Variants in PRKAR1B observed in about 807,000 individuals in gnomAD.
PRKAR1B encodes protein kinase cAMP-dependent type I regulatory subunit beta.
In PRKAR1B, 22 loss-of-function variants were observed where a neutral mutation model predicts 46.5. The observed-to-expected ratio is 0.47, with a 90% confidence interval of 0.34 to 0.68. PRKAR1B has a LOEUF of 0.68. Among genes scored for constraint, PRKAR1B ranks in the 30% least tolerant of loss-of-function variants. PRKAR1B has a pLI of 0.01. For missense variants in PRKAR1B, 445 were observed against 535.6 expected (o/e 0.83, Z 1.67); for synonymous variants, 259 against 217.7 (o/e 1.19, Z -1.67).
chr7:661,197 T>C (rs1279454237), intron 4 of PRKAR1B, among the ~76,000 whole-genome samples: 4 of 81,336 alleles, frequency 4.9e-5, no homozygotes, highest in East Asian at 4.3e-4. Context: ...GTCCAAATAC[T>C]TACTCTTTCC....
chr7:681,327 A>T (rs1444878212), intron 2 of PRKAR1B, among the ~76,000 whole-genome samples: 5 of 151,730 alleles, frequency 3.3e-5, no homozygotes, highest in Non-Finnish European at 5.9e-5. Flanking sequence ...TCTCTATAAA[A>T]AAAAAAAAAA....
At chr7:577,042 G>GTCCAACGCCATCAGCGGCCTCA (rs1779886880) in intron 9 of PRKAR1B, among the ~76,000 whole-genome samples, 1 of 135,664 alleles carries the variant, frequency 7.4e-6, no homozygotes, top group African/African-American at 2.7e-5. Flanking sequence ...CAGCGGCCCC[G>GTCCAACGCCATCAGCGGCCTCA]TCCAACTCCA....
intron 2 of PRKAR1B, among the ~76,000 whole-genome samples, chr7:687,605 C>G (rs939648227): frequency 1.3e-5 from 2 of 152,118 alleles, no homozygotes; most frequent in Non-Finnish European, 2.9e-5. Flanking sequence ...TATGTGAATT[C>G]GAGTTCCAGA....
intron 1 of PRKAR1B, among the ~76,000 whole-genome samples, chr7:720,828 A>G (rs1399369825): frequency 6.6e-6 from 1 of 152,140 alleles, no homozygotes; most frequent in Non-Finnish European, 1.5e-5. Context: ...CAATGTGCCT[A>G]TGTTATTATG....
chr7:680,654 G>C lies in PRKAR1B; in HGVS notation c.250C>G (p.Pro84Ala), dbSNP rs1018426691. Residue 84 changes from proline to alanine, a missense_variant, in exon 3 of 11, where the codon CCC becomes GCC. Physicochemically the swap from Pro to Ala is conservative, Grantham distance 27. Around this residue, in one of 5 missense-constraint regions of PRKAR1B, gnomAD observed 155 missense variants for 127.5 expected, o/e 1.22. Coordinates refer to ENST00000537384, the MANE Select transcript of PRKAR1B (RefSeq NM_001164760.2). The stretch of plus-strand genomic sequence containing the variant: ...TTCACCACAGGGTTCGGGGGGGTGG[G>C]CGACACCTCCTCATCATGGGAGTCC... Reference protein sequence around the residue: ...QSDSHDEEVSPTPPNPVVKAR... With the variant: ...QSDSHDEEVSATPPNPVVKAR... 2 of 1,613,188 alleles carry C rather than the reference G, an allele frequency of 1.2e-6. No individual in the cohort carries two copies. Among genetic ancestry groups the C allele is most frequent in the Non-Finnish European group, 1.7e-6 (2 of 1,179,678 alleles).
At chr7:680,786 A>G in intron 2 of PRKAR1B, 60 bp from the exon 3 acceptor site, 1 of 1,591,982 alleles carries the variant, frequency 6.3e-7, no homozygotes, top group Non-Finnish European at 8.6e-7. Context: ...GGCCAGGCAC[A>G]GGGCCCATGC....
intron 6 of PRKAR1B, among the ~76,000 whole-genome samples, chr7:605,433 G>A (rs947122779): frequency 3.4e-4 from 51 of 152,214 alleles, no homozygotes; most frequent in African/African-American, 1.1e-3. Context: ...GCTCTAAACC[G>A]GACGGCAGAA....
chr7:723,060 G>A (rs183434626), intron 1 of PRKAR1B, among the ~76,000 whole-genome samples: 1 of 152,268 alleles, frequency 6.6e-6, no homozygotes, highest in Admixed American at 6.5e-5. Context: ...TGGGCCGCCT[G>A]GTGTCACTGG....
chr7:578,928 C>T (rs371492847), intron 9 of PRKAR1B: 8 of 872,440 alleles, frequency 9.2e-6, no homozygotes, highest in South Asian at 1.9e-5. Context: ...GTGATCCACC[C>T]GCCTCAGCCT....
rs560513964 is a variant in PRKAR1B at position 556,087 on chromosome 7, G to A, written c.892-4617C>T. On this transcript the variant is annotated intron_variant, in intron 9 of 10. Transcript: ENST00000537384. ...CCAGCACGAATTTTGCTTCAAGGAC[G>A]CTCGGCTCCTGGCTGTCTCCAAGCT... Among the ~76,000 whole-genome samples the A allele has an allele frequency of 3.3e-5, 5 of 152,136 alleles. No individual in the cohort carries two copies. The East Asian group carries it at 9.7e-4, about 29-fold the overall frequency.
intron 8 of PRKAR1B, among the ~76,000 whole-genome samples, chr7:583,455 A>T (rs1780350195): frequency 8.6e-6 from 1 of 115,900 alleles, no homozygotes; most frequent in South Asian, 2.8e-4. Context: ...ACTCACACCC[A>T]CTCACACACG....
chr7:726,736 G>A (rs1200038052), intron 1 of PRKAR1B: 1 of 1,243,890 alleles, frequency 8.0e-7, no homozygotes, highest in Non-Finnish European at 1.0e-6. Context: ...GGCGCTGGGG[G>A]TGGCGGAGGC....
chr7:639,817 A>G (rs777786471), intron 4 of PRKAR1B, among the ~76,000 whole-genome samples: 18 of 152,072 alleles, frequency 1.2e-4, no homozygotes, highest in Admixed American at 4.6e-4. Flanking sequence ...TCATCGCGCC[A>G]CTGCACTCCA....
intron 4 of PRKAR1B, among the ~76,000 whole-genome samples, chr7:648,084 T>C (rs1425906616): frequency 6.6e-6 from 1 of 151,506 alleles, no homozygotes. Flanking sequence ...AGGTTGAGGC[T>C]GCAGTGAGCT....
At chr7:583,653 C>T (rs1409080587) in intron 8 of PRKAR1B, among the ~76,000 whole-genome samples, 1 of 147,094 alleles carries the variant, frequency 6.8e-6, no homozygotes, top group Non-Finnish European at 1.5e-5. Context: ...TGCATGCACA[C>T]CCATGCGCAC....
intron 9 of PRKAR1B, among the ~76,000 whole-genome samples, chr7:566,647 G>GATCACCATCATCACCTTCACCACC (rs1562523834): frequency 2.3e-5 from 1 of 43,896 alleles, no homozygotes; most frequent in Non-Finnish European, 4.4e-5. Flanking sequence ...TCAGCACCTT[G>GATCACCATCATCACCTTCACCACC]ATCACCATCA....
intron 2 of PRKAR1B, among the ~76,000 whole-genome samples, chr7:696,188 GCTAGTCTCAAGCGATCCTCCTGT>G (rs1013776704): frequency 6.6e-6 from 1 of 151,074 alleles, no homozygotes; most frequent in Non-Finnish European, 1.5e-5. Context: ...TGTTGCCCAG[GCTAGTCTCAAGCGATCCTCCTGT>G]CTTGACCTCC....
chr7:646,608 A>C (rs1170166947), intron 4 of PRKAR1B, among the ~76,000 whole-genome samples: 1 of 152,158 alleles, frequency 6.6e-6, no homozygotes, highest in African/African-American at 2.4e-5. Flanking sequence ...TTTCCACACA[A>C]TTAAACCTTG....
At chr7:669,695 C>T (rs1434049545) in intron 4 of PRKAR1B, among the ~76,000 whole-genome samples, 3 of 151,302 alleles carry the variant, frequency 2.0e-5, no homozygotes, top group Non-Finnish European at 4.4e-5. Context: ...ACCCAGGAGA[C>T]GGAGGTTGCA....
Sources: allele counts gnomAD v4.1 joint callset (sites outside exome capture counted in the v4.1 genomes callset), GRCh38; gene constraint gnomAD v4.1.1; regional missense constraint gnomAD v4.1.1; transcripts MANE v1.5; gene names NCBI Gene and HGNC (gene_info 2026-07-23, HGNC 2026-07-21).